Variants in ESR1 observed in about 807,000 individuals in gnomAD.
The protein encoded by ESR1 is estrogen receptor.
A neutral mutation model predicts 52.7 loss-of-function variants in ESR1; 12 were observed. The ratio of observed to expected loss-of-function variants is 0.23; its 90% CI spans 0.15 to 0.37. The LOEUF (loss-of-function observed/expected upper bound fraction) is 0.37. Among genes scored for constraint, ESR1 ranks in the 10% least tolerant of loss-of-function variants. The probability of loss-of-function intolerance (pLI) is 1.00; values close to 1 mark genes in which losing one functional copy is unlikely to be tolerated. For synonymous variants in ESR1, 305 were observed against 316.8 expected (o/e 0.96, Z 0.39); for missense variants, 584 against 779.7 (o/e 0.75, Z 2.99).
intron 7 of ESR1, chr6:152,096,518 G>T: frequency 2.5e-6 from 1 of 405,066 alleles, no homozygotes; most frequent in Non-Finnish European, 5.1e-6. Context: ...TATGGTATAT[G>T]CCCCCAACAT....
intron 1 of ESR1, among the ~76,000 whole-genome samples, chr6:151,824,825 G>A (rs1395218520): frequency 6.6e-6 from 1 of 151,942 alleles, no homozygotes; most frequent in East Asian, 1.9e-4. Flanking sequence ...GGAGGCTGAG[G>A]CAGGAGAACC....
At position 151,759,663 on chromosome 6, in the gene ESR1, G is replaced by T. The variant is rs1050738526; in HGVS notation, c.-70-48180G>T. 2.6e-5 allele frequency among the ~76,000 whole-genome samples: 4 copies of T among 152,196 alleles called. No individual in the cohort carries two copies. The East Asian group carries it at 7.7e-4, about 29-fold the overall frequency. ...CTTTGACGCTGCAGAACACCAGTTG[G>T]TGGCTGATATTTAGATGATGGAAAT... is the stretch of plus-strand genomic sequence containing the variant. On this transcript the variant is annotated intron_variant, in intron 2 of 2. Transcript: ENST00000404742.
chr6:151,682,832 C>A (rs1166865335), intron 1 of ESR1, among the ~76,000 whole-genome samples: 1 of 152,142 alleles, frequency 6.6e-6, no homozygotes, highest in Non-Finnish European at 1.5e-5. Context: ...CCCCTGGGGA[C>A]CCCCCATGTG....
intron 1 of ESR1, among the ~76,000 whole-genome samples, chr6:151,834,275 A>G (rs911586320): frequency 3.3e-5 from 5 of 152,246 alleles, no homozygotes; most frequent in African/African-American, 4.8e-5. Context: ...ATTGTTCACA[A>G]TAGCAAAGAC....
At chr6:152,122,794 G>T in intron 6 of ESR1, 2 of 1,505,026 alleles carry the variant, frequency 1.3e-6, no homozygotes, top group Non-Finnish European at 1.8e-6. Flanking sequence ...CCAGCCTGGC[G>T]ATCAGCTGCC....
chr6:151,825,423 G>A (rs1053338959), intron 1 of ESR1, among the ~76,000 whole-genome samples: 2 of 152,206 alleles, frequency 1.3e-5, no homozygotes, highest in Admixed American at 6.5e-5. Flanking sequence ...TGGAATATAG[G>A]TCAGATAACT....
intron 2 of ESR1, among the ~76,000 whole-genome samples, chr6:151,875,877 G>C (rs1025171975): frequency 6.6e-6 from 1 of 152,152 alleles, no homozygotes; most frequent in Non-Finnish European, 1.5e-5. Flanking sequence ...ATTGCATTTA[G>C]ATGTCATTTT....
intron 1 of ESR1, among the ~76,000 whole-genome samples, chr6:151,825,066 G>A (rs764875146): frequency 4.1e-4 from 63 of 152,228 alleles, no homozygotes; most frequent in Non-Finnish European, 6.8e-4. Flanking sequence ...TTGGATTTCA[G>A]AAAAGAGTAT....
intron 3 of ESR1, among the ~76,000 whole-genome samples, chr6:151,923,587 C>T (rs929832120): frequency 6.6e-6 from 1 of 152,124 alleles, no homozygotes; most frequent in Non-Finnish European, 1.5e-5. Context: ...CAATATGTAG[C>T]TTTTTCAGAC....
At chr6:151,717,453 A>C (rs933459606) in intron 2 of ESR1, among the ~76,000 whole-genome samples, 1 of 152,262 alleles carries the variant, frequency 6.6e-6, no homozygotes, top group African/African-American at 2.4e-5. Flanking sequence ...GTATGTCCTA[A>C]TGATTTGACA....
chr6:151,785,961 G>T (rs1328382823), intron 2 of ESR1, among the ~76,000 whole-genome samples: 1 of 152,126 alleles, frequency 6.6e-6, no homozygotes, highest in Non-Finnish European at 1.5e-5. Flanking sequence ...AAATCTTGGT[G>T]CGGTAAAGAT....
chr6:151,768,797 A>C (rs967360476), intron 2 of ESR1, among the ~76,000 whole-genome samples: 1 of 152,124 alleles, frequency 6.6e-6, no homozygotes, highest in Admixed American at 6.5e-5. Flanking sequence ...CTTTCCTTTA[A>C]CTCGTAAATT....
At chr6:152,008,302 G>A (rs1318997776) in intron 4 of ESR1, among the ~76,000 whole-genome samples, 1 of 152,102 alleles carries the variant, frequency 6.6e-6, no homozygotes, top group Non-Finnish European at 1.5e-5. Context: ...ACCCTTGTCT[G>A]CAGGCAATAT....
chr6:151,681,483 C>A (rs1582878443), intron 1 of ESR1, among the ~76,000 whole-genome samples: 1 of 151,880 alleles, frequency 6.6e-6, no homozygotes, highest in Non-Finnish European at 1.5e-5. Context: ...GCTTCTCAGG[C>A]GCCTTGATCT....
In ESR1 at chr6:152,018,425, TAAA is replaced by T. The variant is rs78036702; in HGVS notation, c.1235+6645_1235+6647del. On this transcript the variant is annotated intron_variant, in intron 5 of 7. Coordinates refer to ENST00000206249, the MANE Select transcript of ESR1 (RefSeq NM_000125.4). Reference sequence around the variant, plus strand: ...GCAGATTTTTTACTTGGAAGAATGATAAAAAAAAAAAAAAAAGTTCTGAAATGA... The same window carrying T: ...GCAGATTTTTTACTTGGAAGAATGATAAAAAAAAAAAAAGTTCTGAAATGA... 3.6e-4 allele frequency among the ~76,000 whole-genome samples: 45 copies of T among 126,742 alleles called. No homozygotes were observed. In the East Asian group the frequency reaches 5.9e-3, roughly 17 times the overall value. 83.1% of individuals were successfully genotyped at this position (126,742 alleles called of 152,430 possible). A position where few individuals can be genotyped will look rare whatever the true frequency, so the allele number is the denominator to read the frequency against.
At chr6:152,019,361 G>A (rs781539295) in intron 5 of ESR1, among the ~76,000 whole-genome samples, 37 of 152,196 alleles carry the variant, frequency 2.4e-4, no homozygotes, top group South Asian at 1.2e-3. Flanking sequence ...GCTTGGAAGG[G>A]TTCTATTGGA....
At chr6:151,755,209 C>CAA (rs761616025) in intron 2 of ESR1, among the ~76,000 whole-genome samples, 3,314 of 78,160 alleles carry the variant, frequency 0.042, 139 homozygotes, top group African/African-American at 0.12. Context: ...GACCCTGCCT[C>CAA]AAAAAAAAAA....
chr6:151,747,801 CATGT>C, intron 2 of ESR1, among the ~76,000 whole-genome samples: 1 of 152,156 alleles, frequency 6.6e-6, no homozygotes, highest in African/African-American at 2.4e-5. Flanking sequence ...TATATTGCAG[CATGT>C]ATCAGTACTT....
exon 7 of ESR1, chr6:152,127,671 T>G (rs2053971725): frequency 6.6e-6 from 1 of 152,144 alleles, no homozygotes; most frequent in Non-Finnish European, 1.5e-5. Context: ...CAGCTTTCCT[T>G]GGGGCACGGG....
Sources: gnomAD v4.1 joint callset for allele counts (sites outside exome capture counted in the v4.1 genomes callset) on GRCh38, gnomAD v4.1.1 for gene constraint, MANE v1.5 for transcripts, NCBI Gene and HGNC (gene_info 2026-07-23, HGNC 2026-07-21) for gene names.